Variants in MPP3 observed in about 807,000 individuals in gnomAD.
MPP3 encodes the protein MAGUK p55 scaffold protein 3.
In MPP3, 48 loss-of-function variants were observed where a neutral mutation model predicts 80.7. That is an observed-to-expected ratio of 0.59 (90% CI 0.47 to 0.76). The LOEUF is 0.76. Among genes scored for constraint, MPP3 ranks in the 30% least tolerant of loss-of-function variants. MPP3 has a pLI of 0.00. For synonymous variants in MPP3, 311 were observed against 297.6 expected, an observed-to-expected ratio of 1.04 and a Z score of -0.46; for missense variants, 620 against 763.0, an observed-to-expected ratio of 0.81 and a Z score of 2.21.
intron 18 of MPP3, 70 bp from the exon 19 acceptor site, chr17:43,809,148 T>A: frequency 6.8e-7 from 1 of 1,468,004 alleles, no homozygotes; most frequent in Non-Finnish European, 9.1e-7. Flanking sequence ...TTTTGAAAGC[T>A]CAATAATCGT....
At chr17:43,814,148 T>C in intron 15 of MPP3, 49 bp downstream of exon 15, 3 of 1,606,126 alleles carry the variant, frequency 1.9e-6, no homozygotes. Context: ...CCCCACCTGC[T>C]CCAGGGAGGA....
At chr17:43,808,904 G>C (rs553740844) in intron 19 of MPP3, 52 bp downstream of exon 19, 219 of 1,564,410 alleles carry the variant, frequency 1.4e-4, no homozygotes, top group Middle Eastern at 6.9e-4. Context: ...AAGCGTTCCT[G>C]TAACAGCCTC....
intron 14 of MPP3, 181 bp from the exon 15 acceptor site, chr17:43,814,542 G>A (rs1015303655): frequency 2.1e-5 from 12 of 560,256 alleles, no homozygotes; most frequent in Admixed American, 3.5e-5. Context: ...ATGAAAGGGT[G>A]ACCCCTGCAT....
intron 19 of MPP3, among the ~76,000 whole-genome samples, chr17:43,805,659 CATT>C (rs1265125966): frequency 2.0e-5 from 3 of 152,076 alleles, no homozygotes; most frequent in Admixed American, 2.0e-4. Context: ...ACTTTAAAAA[CATT>C]ATATTAAGTG....
chr17:43,815,636 T>C (rs2045081753), intron 14 of MPP3: 2 of 316,662 alleles, frequency 6.3e-6, no homozygotes, highest in South Asian at 2.6e-5. Context: ...AAAAAAACTT[T>C]TTGCCTATCT....
At chr17:43,832,160 T>A in intron 2 of MPP3, 1 of 543,584 alleles carries the variant, frequency 1.8e-6, no homozygotes, top group Non-Finnish European at 3.2e-6. Flanking sequence ...ATTTCTATGA[T>A]AAACTTTTTG....
At chr17:43,826,997 T>C in intron 8 of MPP3, among the ~76,000 whole-genome samples, 1 of 148,158 alleles carries the variant, frequency 6.7e-6, no homozygotes, top group East Asian at 1.9e-4. Flanking sequence ...CACCCGTGCA[T>C]GGCCTATATT....
At chr17:43,821,637 C>G (rs910002244) in intron 10 of MPP3, among the ~76,000 whole-genome samples, 2 of 152,216 alleles carry the variant, frequency 1.3e-5, no homozygotes, top group Non-Finnish European at 1.5e-5. Context: ...CTAATTCCCC[C>G]CTCTGCTCTA....
At chr17:43,809,554 G>A (rs941669808) in intron 18 of MPP3, among the ~76,000 whole-genome samples, 1 of 152,104 alleles carries the variant, frequency 6.6e-6, no homozygotes, top group Non-Finnish European at 1.5e-5. Flanking sequence ...TGAGATTACT[G>A]AACAGATCAT....
intron 7 of MPP3, among the ~76,000 whole-genome samples, chr17:43,828,678 ATTG>A (rs1158574864): frequency 1.3e-5 from 2 of 152,206 alleles, no homozygotes; most frequent in Admixed American, 1.3e-4. Context: ...TTGCACACTT[ATTG>A]TTAACATCAT....
At chr17:43,825,930 AG>A in intron 8 of MPP3, 89 bp from the exon 9 acceptor site, 1 of 811,558 alleles carries the variant, frequency 1.2e-6, no homozygotes, top group Non-Finnish European at 2.1e-6. Context: ...GGCCGGCCTG[AG>A]AAGCCCACTG....
chr17:43,805,837 T>C (rs190755840), intron 19 of MPP3, among the ~76,000 whole-genome samples: 17 of 152,352 alleles, frequency 1.1e-4, no homozygotes, highest in Admixed American at 2.6e-4. Flanking sequence ...GGTTTCTTTT[T>C]GAAGTGATGA....
chr17:43,821,007 G>A lies in MPP3; in HGVS notation c.736C>T (p.Pro246Ser), dbSNP rs1393949219. Residue 246 changes from proline to serine, a missense_variant, in exon 11 of 20, where the codon CCT becomes TCT. Transcript: ENST00000398389. ...HYNPREDRAI[P>S]CQEAGLPFQR... ...AAGGGCAGGCCCGCCTCCTGGCAAG[G>A]GATGGCCCGGTCCTCCCGAGGGTTG... The A allele has an allele frequency of 2.5e-6, 4 of 1,613,996 alleles. No individual in the cohort carries two copies. The highest frequency in any genetic ancestry group is 2.7e-5 in the African/African-American group (2 of 74,944).
intron 8 of MPP3, among the ~76,000 whole-genome samples, chr17:43,827,320 T>C (rs1007911928): frequency 7.0e-6 from 1 of 142,786 alleles, no homozygotes; most frequent in African/African-American, 2.6e-5. Flanking sequence ...CTGGCTTTTT[T>C]TTTTTTTTCT....
At chr17:43,830,144 G>A (rs778355999) in intron 5 of MPP3, 37 bp from the exon 6 acceptor site, 7 of 1,454,170 alleles carry the variant, frequency 4.8e-6, no homozygotes, top group East Asian at 2.4e-5. Flanking sequence ...GATGGCTAGA[G>A]GTGCCCCTGC....
chr17:43,821,539 C>T (rs540846445), intron 10 of MPP3, among the ~76,000 whole-genome samples: 3 of 152,332 alleles, frequency 2.0e-5, no homozygotes, highest in African/African-American at 7.2e-5. Flanking sequence ...CTGTTACTGA[C>T]TCCTCACCAT....
intron 8 of MPP3, among the ~76,000 whole-genome samples, chr17:43,826,525 C>A (rs1351819288): frequency 6.6e-6 from 1 of 151,532 alleles, no homozygotes; most frequent in Non-Finnish European, 1.5e-5. Flanking sequence ...GCAACGATGA[C>A]CCCCCAGACT....
chr17:43,811,894 A>G (rs891989764), intron 16 of MPP3, among the ~76,000 whole-genome samples: 2 of 152,176 alleles, frequency 1.3e-5, no homozygotes, highest in African/African-American at 4.8e-5. Context: ...CGCCCAGCAT[A>G]TGCTGTGGCT....
chr17:43,814,458 G>A, intron 14 of MPP3, 97 bp from the exon 15 acceptor site: 1 of 1,313,416 alleles, frequency 7.6e-7, no homozygotes, highest in Non-Finnish European at 1.0e-6. Flanking sequence ...CCTGGAGATG[G>A]GACTGAGTCC....
Sources: allele counts gnomAD v4.1 joint callset (sites outside exome capture counted in the v4.1 genomes callset), GRCh38; gene constraint gnomAD v4.1.1; transcripts MANE v1.5; gene names NCBI Gene and HGNC (gene_info 2026-07-23, HGNC 2026-07-21).